Variants in CCDC181 observed in about 807,000 individuals in gnomAD.
CCDC181 encodes coiled-coil domain containing 181.
A neutral mutation model predicts 58.7 loss-of-function variants in CCDC181; 35 were observed. The ratio of observed to expected loss-of-function variants is 0.60; its 90% CI spans 0.46 to 0.79. The LOEUF (loss-of-function observed/expected upper bound fraction) is 0.79, where lower values mean the gene tolerates loss of function less well. CCDC181 is among the 30% of genes least tolerant of loss of function. The probability of loss-of-function intolerance (pLI) is 0.00; values close to 1 mark genes in which losing one functional copy is unlikely to be tolerated. For missense variants in CCDC181, 517 were observed against 583.9 expected (o/e 0.89, Z 1.18); for synonymous variants, 183 against 197.5 (o/e 0.93, Z 0.62).
intron 4 of CCDC181, among the ~76,000 whole-genome samples, chr1:169,406,341 T>G (rs1233578463): frequency 6.6e-6 from 1 of 152,220 alleles, no homozygotes; most frequent in Non-Finnish European, 1.5e-5. Context: ...TAAAGACACA[T>G]GCACACATAT....
upstream of CCDC181, among the ~76,000 whole-genome samples, chr1:169,428,875 C>T (rs1006773932): frequency 1.6e-4 from 24 of 152,092 alleles, no homozygotes; most frequent in African/African-American, 5.8e-4. Context: ...AGCTGTTCTC[C>T]AACAACTGAG....
At chr1:169,419,873 T>G (rs1400584809) in intron 3 of CCDC181, among the ~76,000 whole-genome samples, 1 of 152,150 alleles carries the variant, frequency 6.6e-6, no homozygotes, top group Non-Finnish European at 1.5e-5. Flanking sequence ...AGACAGAGTA[T>G]AGCAGCCCAA....
intron 4 of CCDC181, among the ~76,000 whole-genome samples, chr1:169,402,607 G>C (rs952970231): frequency 6.6e-6 from 1 of 152,134 alleles, no homozygotes; most frequent in Non-Finnish European, 1.5e-5. Flanking sequence ...AGCAAATGCT[G>C]AGAGATTTTG....
intron 4 of CCDC181, among the ~76,000 whole-genome samples, chr1:169,398,455 A>G (rs1010823411): frequency 1.3e-5 from 2 of 152,212 alleles, no homozygotes; most frequent in African/African-American, 2.4e-5. Context: ...AGATTCAAGG[A>G]TTCAGGGAGC....
intron 4 of CCDC181, among the ~76,000 whole-genome samples, chr1:169,407,742 C>G (rs1655742646): frequency 1.3e-5 from 2 of 152,166 alleles, no homozygotes; most frequent in Admixed American, 1.3e-4. Context: ...GCTCATCTCA[C>G]TAGGACTGGT....
intron 2 of CCDC181, among the ~76,000 whole-genome samples, chr1:169,452,263 C>T (rs1222492288): frequency 6.6e-6 from 1 of 152,046 alleles, no homozygotes; most frequent in Non-Finnish European, 1.5e-5. Flanking sequence ...GTTCCAGAAG[C>T]CATAGGAAGA....
chr1:169,418,165 TCTC>T (rs1343355295), intron 4 of CCDC181, among the ~76,000 whole-genome samples: 2 of 152,290 alleles, frequency 1.3e-5, no homozygotes, highest in South Asian at 4.1e-4. Context: ...CTGAAGAACT[TCTC>T]CTACAGATTA....
intron 4 of CCDC181, among the ~76,000 whole-genome samples, chr1:169,405,645 C>T (rs1655607345): frequency 6.6e-6 from 1 of 152,112 alleles, no homozygotes; most frequent in Non-Finnish European, 1.5e-5. Context: ...ACGCCTTATA[C>T]AAAAATTAAT....
intron 1 of CCDC181, 146 bp from the exon 2 acceptor site, chr1:169,425,096 G>A: frequency 7.2e-6 from 3 of 417,846 alleles, no homozygotes; most frequent in Non-Finnish European, 8.7e-6. Context: ...AATACACCAT[G>A]AAAGAGAGAT....
At chr1:169,430,374 CT>C (rs1229574543), upstream of CCDC181, among the ~76,000 whole-genome samples, 1 of 152,112 alleles carries the variant, frequency 6.6e-6, no homozygotes. Context: ...TTGTAGACTG[CT>C]TTTGGCAGTA....
At chr1:169,432,310 A>G (rs1656943240), upstream of CCDC181, among the ~76,000 whole-genome samples, 1 of 152,176 alleles carries the variant, frequency 6.6e-6, no homozygotes, top group Non-Finnish European at 1.5e-5. Flanking sequence ...AAACAAAAAA[A>G]TTAAAAAGTT....
rs142621453 is a variant in CCDC181 at position 169,421,558 on chromosome 1, G to A, written c.873C>T (p.Ile291=). The change falls in exon 3 of 6, where the codon ATC becomes ATT. Residue 291 remains isoleucine, a synonymous_variant. Transcript: ENST00000367806. ...HSSTGEPLAY[I]AQPPLNRKTC... is the part of the protein sequence containing the mutation. The stretch of plus-strand genomic sequence containing the variant: ...TCTTGCGGTTGAGTGGTGGCTGAGC[G>A]ATATAAGCCAGCGGCTCTCCTGTTG... The A allele has an allele frequency of 3.8e-5, 61 of 1,614,000 alleles. No homozygotes were observed. The highest frequency in any genetic ancestry group is 4.9e-5 in the Non-Finnish European group (58 of 1,180,004).
intron 4 of CCDC181, among the ~76,000 whole-genome samples, chr1:169,402,513 A>G (rs1469030985): frequency 6.6e-6 from 1 of 152,158 alleles, no homozygotes; most frequent in Admixed American, 6.5e-5. Flanking sequence ...AACATTCTTA[A>G]AGAAAAGAAT....
upstream of CCDC181, among the ~76,000 whole-genome samples, chr1:169,428,100 A>G (rs1236005083): frequency 1.3e-5 from 2 of 152,164 alleles, no homozygotes; most frequent in Non-Finnish European, 2.9e-5. Flanking sequence ...TAAATTGTTT[A>G]TTATTAGGAT....
chr1:169,441,911 A>G (rs1179583395), intron 2 of CCDC181, among the ~76,000 whole-genome samples: 5 of 152,086 alleles, frequency 3.3e-5, no homozygotes, highest in African/African-American at 1.2e-4. Context: ...AAATGTGCAT[A>G]GTCTGAAATA....
intron 2 of CCDC181, among the ~76,000 whole-genome samples, chr1:169,438,282 G>C (rs919354910): frequency 6.6e-6 from 1 of 151,582 alleles, no homozygotes; most frequent in African/African-American, 2.4e-5. Flanking sequence ...CCCACAAACA[G>C]ACTCACACAG....
At chr1:169,440,931 T>TAAACAAAAAAAAAAAAA (rs1657206816) in intron 2 of CCDC181, among the ~76,000 whole-genome samples, 1 of 76,904 alleles carries the variant, frequency 1.3e-5, no homozygotes, top group Admixed American at 1.4e-4. Flanking sequence ...CAAGACTGTC[T>TAAACAAAAAAAAAAAAA]AAAAAAAAAA....
upstream of CCDC181, among the ~76,000 whole-genome samples, chr1:169,431,626 A>G (rs1656921768): frequency 6.6e-6 from 1 of 152,126 alleles, no homozygotes; most frequent in Non-Finnish European, 1.5e-5. Flanking sequence ...TGGACAGAAA[A>G]CTGAACTTAT....
chr1:169,445,177 A>G (rs745331008), intron 2 of CCDC181, among the ~76,000 whole-genome samples: 1 of 152,094 alleles, frequency 6.6e-6, no homozygotes, highest in Non-Finnish European at 1.5e-5. Context: ...GCTCCTTCCT[A>G]TCGTTCAGAT....
Sources: gnomAD v4.1 joint callset for allele counts (sites outside exome capture counted in the v4.1 genomes callset) on GRCh38, gnomAD v4.1.1 for gene constraint, MANE v1.5 for transcripts, NCBI Gene and HGNC (gene_info 2026-07-23, HGNC 2026-07-21) for gene names.